SLC9A8: variants seen among roughly 807,000 people sequenced by gnomAD.
SLC9A8 encodes the protein solute carrier family 9 member A8.
Under a neutral mutation model 66.6 loss-of-function variants are expected in SLC9A8, and 48 were observed. The ratio of observed to expected loss-of-function variants is 0.72; its 90% CI spans 0.57 to 0.92. The LOEUF (loss-of-function observed/expected upper bound fraction) is 0.92, where lower values mean the gene tolerates loss of function less well. Ranked by LOEUF, SLC9A8 falls within the 40% of genes least tolerant of loss-of-function variation. SLC9A8 has a pLI of 0.00. For missense variants in SLC9A8, 599 were observed against 747.3 expected, an observed-to-expected ratio of 0.80 and a Z score of 2.31; for synonymous variants, 274 against 282.6, an observed-to-expected ratio of 0.97 and a Z score of 0.31.
intron 2 of SLC9A8, among the ~76,000 whole-genome samples, chr20:49,821,161 A>G (rs904245340): frequency 6.6e-6 from 1 of 152,142 alleles, no homozygotes; most frequent in African/African-American, 2.4e-5. Context: ...TCTTTCTGTT[A>G]ATAGTTTCCC....
At chr20:49,821,672 G>A (rs2086743257) in intron 2 of SLC9A8, among the ~76,000 whole-genome samples, 1 of 152,020 alleles carries the variant, frequency 6.6e-6, no homozygotes, top group South Asian at 2.1e-4. Flanking sequence ...TGATGAGCTG[G>A]TATACCATCT....
chr20:49,814,894 A>G (rs2086489484), intron 1 of SLC9A8, 114 bp from the exon 2 acceptor site: 1 of 796,780 alleles, frequency 1.3e-6, no homozygotes, highest in African/African-American at 1.8e-5. Context: ...TGCCTGTTAA[A>G]GACTTCTGAA....
chr20:49,868,395 A>AG (rs1222450163), intron 10 of SLC9A8, among the ~76,000 whole-genome samples: 4 of 152,110 alleles, frequency 2.6e-5, no homozygotes, highest in African/African-American at 9.7e-5. Context: ...GTTTTCAGAG[A>AG]GGGGCAGGAT....
Position 49,887,384 on chromosome 20 carries a change from C to T in SLC9A8, c.1639-445C>T, listed in dbSNP as rs773070832. Among the ~76,000 whole-genome samples the T allele has an allele frequency of 9.2e-5, 14 of 152,242 alleles. 1 individual carries two copies. The highest frequency in any genetic ancestry group is 4.1e-4 in the South Asian group (2 of 4,826). On this transcript the variant is annotated intron_variant, in intron 15 of 15. Transcript: ENST00000361573. ...ACTCTCCGGCAGGCCTGAGAGCTGC[C>T]GGTGTGTGCGCTCTTCCAGGAGCCA...
At chr20:49,881,748 A>T (rs937353611) in intron 13 of SLC9A8, among the ~76,000 whole-genome samples, 1 of 152,138 alleles carries the variant, frequency 6.6e-6, no homozygotes, top group Non-Finnish European at 1.5e-5. Context: ...TTAAAAATGT[A>T]TATGTTTCAT....
chr20:49,872,778 C>T (rs2089266536), intron 10 of SLC9A8, among the ~76,000 whole-genome samples: 1 of 152,204 alleles, frequency 6.6e-6, no homozygotes, highest in African/African-American at 2.4e-5. Flanking sequence ...AGCCACCGCG[C>T]CCGGCCGATT....
Position 49,874,268 on chromosome 20 carries a change from A to T in SLC9A8, c.959-437A>T, listed in dbSNP as rs987707687. 8.4e-4 allele frequency among the ~76,000 whole-genome samples: 128 copies of T among 151,934 alleles called. 1 individual carries two copies. Among genetic ancestry groups the T allele is most frequent in the Non-Finnish European group, 1.5e-3 (101 of 67,988 alleles). ...AGCAAAACTCTGTCCCCCCCCCAAA[A>T]AAAAGGGTGGGGGGGTAGTGCAGTG... is the stretch of plus-strand genomic sequence containing the variant. On this transcript the variant is annotated intron_variant, in intron 10 of 15. Transcript: ENST00000361573.
chr20:49,828,270 C>G (rs2087002348), intron 3 of SLC9A8, among the ~76,000 whole-genome samples: 1 of 151,738 alleles, frequency 6.6e-6, no homozygotes, highest in Non-Finnish European at 1.5e-5. Context: ...TTAGTAGAAA[C>G]AGGGTTTCAC....
chr20:49,833,094 C>T (rs113738363), intron 3 of SLC9A8, among the ~76,000 whole-genome samples: 37,146 of 151,804 alleles, frequency 0.24, 4,759 homozygotes, highest in Non-Finnish European at 0.29. Context: ...TTAGCGGAGA[C>T]GGGGTTTCAC....
At chr20:49,837,635 TCTCAGCTCACTGCAACCTCTGCCTC>T (rs2087590278) in intron 3 of SLC9A8, among the ~76,000 whole-genome samples, 1 of 152,320 alleles carries the variant, frequency 6.6e-6, no homozygotes, top group South Asian at 2.1e-4. Context: ...AGTGGCATGA[TCTCAGCTCACTGCAACCTCTGCCTC>T]CTGGGTTCAA....
chr20:49,885,460 G>C (rs1229539209), intron 14 of SLC9A8, among the ~76,000 whole-genome samples: 4 of 152,116 alleles, frequency 2.6e-5, no homozygotes, highest in African/African-American at 7.2e-5. Context: ...GGAGTAGTTG[G>C]GACTCCAGAC....
At chr20:49,835,220 C>T (rs1381578346) in intron 3 of SLC9A8, among the ~76,000 whole-genome samples, 4 of 151,122 alleles carry the variant, frequency 2.6e-5, no homozygotes, top group East Asian at 3.9e-4. Flanking sequence ...ATGTCTTCCA[C>T]AGGGAGATAC....
At position 49,855,686 on chromosome 20, in the gene SLC9A8, C is replaced by T. The variant is rs940165128; in HGVS notation, c.713+105C>T. 69 of 1,086,674 alleles carry T rather than the reference C, an allele frequency of 6.3e-5. No individual in the cohort carries two copies. The African/African-American group carries it at 9.3e-4, about 15-fold the overall frequency. The allele number at this position is 1,086,674 out of a possible 1,614,324, so 67.3% of individuals were successfully genotyped here. A position where few individuals can be genotyped will look rare whatever the true frequency, so the allele number is the denominator to read the frequency against. On this transcript the variant is annotated intron_variant, in intron 8 of 15. Coordinates refer to ENST00000361573, the MANE Select transcript of SLC9A8 (RefSeq NM_015266.3). ...CACAGCATGTGTACAGTTGCTTGTC[C>T]TCTGGGTGATCAGTTCACCCACTCT...
chr20:49,882,057 G>C (rs1271139622), intron 13 of SLC9A8, among the ~76,000 whole-genome samples: 5 of 152,126 alleles, frequency 3.3e-5, no homozygotes, highest in Non-Finnish European at 7.4e-5. Context: ...TCCTCAACGA[G>C]GGGCACTGAA....
intron 13 of SLC9A8, among the ~76,000 whole-genome samples, chr20:49,882,401 C>T (rs2089661621): frequency 6.6e-6 from 1 of 152,254 alleles, no homozygotes; most frequent in Non-Finnish European, 1.5e-5. Context: ...ACTCTCTTCC[C>T]CGGCCTCTGG....
At chr20:49,869,668 C>G (rs1404792157) in intron 10 of SLC9A8, among the ~76,000 whole-genome samples, 2 of 151,786 alleles carry the variant, frequency 1.3e-5, no homozygotes, top group African/African-American at 4.8e-5. Context: ...CCCATCTCTA[C>G]TAAAAATACA....
chr20:49,814,899 T>G (rs2086489628), intron 1 of SLC9A8, 109 bp from the exon 2 acceptor site: 1 of 883,618 alleles, frequency 1.1e-6, no homozygotes, highest in Admixed American at 3.5e-5. Context: ...GTTAAAGACT[T>G]CTGAATCCCA....
Position 49,883,828 on chromosome 20 carries a change from C to T in SLC9A8, c.1271-18C>T, listed in dbSNP as rs1433005653. 6.3e-7 allele frequency: 1 copy of T among 1,594,970 alleles called. No homozygotes were observed. Among genetic ancestry groups the T allele is most frequent in the Non-Finnish European group, 8.5e-7 (1 of 1,173,828 alleles). ...TGCCTCTTCACTGTGTCCTCTCACA[C>T]TGTTTGCTGTCACCCAGGCCTGCGG... On this transcript the variant is annotated intron_variant, in intron 13 of 15. Coordinates refer to ENST00000361573, the MANE Select transcript of SLC9A8 (RefSeq NM_015266.3).
chr20:49,873,147 A>G (rs957961083), intron 10 of SLC9A8, among the ~76,000 whole-genome samples: 2 of 152,206 alleles, frequency 1.3e-5, no homozygotes, highest in South Asian at 2.1e-4. Context: ...GATTATGGGA[A>G]AATTCAAAGT....
Sources: gnomAD v4.1 joint callset for allele counts (sites outside exome capture counted in the v4.1 genomes callset) on GRCh38, gnomAD v4.1.1 for gene constraint, MANE v1.5 for transcripts, NCBI Gene and HGNC (gene_info 2026-07-23, HGNC 2026-07-21) for gene names.